GLDC: variants seen among roughly 807,000 people sequenced by gnomAD.
GLDC encodes the protein glycine dehydrogenase (decarboxylating), mitochondrial.
GLDC carries 104 observed loss-of-function variants against 121.3 expected under a neutral mutation model. The ratio of observed to expected loss-of-function variants is 0.86; its 90% confidence interval spans 0.73 to 1.01. The LOEUF (loss-of-function observed/expected upper bound fraction) is 1.01, where lower values mean the gene tolerates loss of function less well. GLDC is among the 50% of genes least tolerant of loss of function. The pLI is 0.00. For synonymous variants in GLDC, 546 were observed against 480.6 expected (o/e 1.14, Z -1.78); for missense variants, 1,429 against 1,306.6 (o/e 1.09, Z -1.44).
chr9:6,645,506 G>C lies in GLDC; in HGVS notation c.-7C>G. 1 of 1,320,176 alleles carries C rather than the reference G, an allele frequency of 7.6e-7. No individual in the cohort carries two copies. The allele number at this position is 1,320,176 out of a possible 1,614,324, so 81.8% of individuals were successfully genotyped here. A position where few individuals can be genotyped will look rare whatever the true frequency, so the allele number is the denominator to read the frequency against. The stretch of plus-strand genomic sequence containing the variant: ...CCCTGGCACAGGACTGCATGGCCGC[G>C]GCCACCGTCCCCTGCCCCGGCCCGC... On this transcript the variant is annotated 5_prime_UTR_variant, in exon 1 of 25. Transcript: ENST00000321612.
At chr9:6,602,399 C>G (rs931886103) in intron 7 of GLDC, among the ~76,000 whole-genome samples, 194 bp from the exon 8 acceptor site, 3 of 145,484 alleles carry the variant, frequency 2.1e-5, no homozygotes, top group African/African-American at 5.1e-5. Context: ...TTTTTTGAGA[C>G]GGAGTTTCGC....
chr9:6,539,445 C>T (rs530140375), intron 22 of GLDC, among the ~76,000 whole-genome samples: 3 of 152,294 alleles, frequency 2.0e-5, no homozygotes, highest in African/African-American at 7.2e-5. Context: ...CATCACTGCA[C>T]TCCAGCCTGG....
intron 16 of GLDC, among the ~76,000 whole-genome samples, chr9:6,561,682 G>A (rs1358968568): frequency 1.3e-5 from 2 of 152,040 alleles, no homozygotes; most frequent in Non-Finnish European, 2.9e-5. Flanking sequence ...TGAGGGATAT[G>A]GAAGTAACAC....
intron 2 of GLDC, among the ~76,000 whole-genome samples, chr9:6,644,227 C>T (rs906372953): frequency 6.6e-6 from 1 of 151,796 alleles, no homozygotes; most frequent in African/African-American, 2.4e-5. Context: ...GTTGCACGAC[C>T]TTAGGCAATT....
chr9:6,602,227 C>CA (rs1352518536), intron 7 of GLDC, 22 bp from the exon 8 acceptor site: 1 of 1,345,808 alleles, frequency 7.4e-7, no homozygotes, highest in Non-Finnish European at 1.1e-6. Flanking sequence ...ATAAGGCATC[C>CA]AGTTAGCACA....
intron 9 of GLDC, among the ~76,000 whole-genome samples, chr9:6,593,732 GC>G (rs1818430373): frequency 7.3e-6 from 1 of 137,846 alleles, no homozygotes; most frequent in East Asian, 2.1e-4. Flanking sequence ...TCACTCTGTT[GC>G]CCAGGATGGA....
At chr9:6,574,042 A>G (rs970561495) in intron 15 of GLDC, among the ~76,000 whole-genome samples, 4 of 152,208 alleles carry the variant, frequency 2.6e-5, no homozygotes, top group Non-Finnish European at 5.9e-5. Flanking sequence ...GTTCTTACCA[A>G]TCTGTATCAA....
chr9:6,611,719 A>T (rs1818861372), intron 3 of GLDC, among the ~76,000 whole-genome samples: 1 of 152,148 alleles, frequency 6.6e-6, no homozygotes, highest in Non-Finnish European at 1.5e-5. Flanking sequence ...CTGTGCTGTG[A>T]TGAATTCTTT....
intron 15 of GLDC, among the ~76,000 whole-genome samples, chr9:6,567,976 A>G (rs1371318244): frequency 3.9e-5 from 6 of 152,256 alleles, no homozygotes; most frequent in African/African-American, 1.2e-4. Context: ...CAGGCAATCA[A>G]TATGAATGTC....
rs990907475 is a variant in GLDC, at chr9:6,600,763, G to T, written c.1155+1346C>A. 3.3e-5 allele frequency among the ~76,000 whole-genome samples: 5 copies of T among 152,244 alleles called. No homozygotes were observed. In the South Asian group the frequency reaches 6.2e-4, roughly 19 times the overall value. ...GAGTGGGCCTCCAACTGATCCTAGG[G>T]TTTGGCTGGGTTTCACAAACACTTC... On this transcript the variant is annotated intron_variant, in intron 8 of 24. Transcript: ENST00000321612.
chr9:6,599,559 A>G (rs1321387557), intron 8 of GLDC, among the ~76,000 whole-genome samples: 7 of 151,898 alleles, frequency 4.6e-5, no homozygotes. Context: ...TGTCTCTACT[A>G]AAAATAGAAA....
chr9:6,570,818 C>T (rs143620205), intron 15 of GLDC, among the ~76,000 whole-genome samples: 1,896 of 139,850 alleles, frequency 0.014, 27 homozygotes, highest in African/African-American at 0.049. Flanking sequence ...CGCACCACTG[C>T]ACTCCAGCCT....
chr9:6,605,034 G>C (rs1464213456), intron 6 of GLDC, 97 bp downstream of exon 6: 4 of 1,221,168 alleles, frequency 3.3e-6, no homozygotes, highest in Non-Finnish European at 4.8e-6. Context: ...TAATGGTAAA[G>C]AAATTAAGGC....
In GLDC at chr9:6,554,963, C is replaced by A. The variant is rs564642740; in HGVS notation, c.2203-182G>T. 1.1e-5 allele frequency: 7 copies of A among 664,264 alleles called. No individual in the cohort carries two copies. The Admixed American group carries it at 1.5e-4, about 15-fold the overall frequency. 41.1% of individuals were successfully genotyped at this position (664,264 alleles called of 1,614,324 possible). On this transcript the variant is annotated intron_variant, in intron 18 of 24. Coordinates refer to ENST00000321612, the MANE Select transcript of GLDC (RefSeq NM_000170.3). ...AGTTCCGTAGTCACAAACTGGCATC[C>A]GATAGGCAGAGTGCTTGTGGTTGCT...
At chr9:6,610,500 GC>G (rs770759124) in intron 3 of GLDC, 144 bp from the exon 4 acceptor site, 4 of 763,702 alleles carry the variant, frequency 5.2e-6, no homozygotes, top group Non-Finnish European at 9.1e-6. Flanking sequence ...CTTCTTTTTG[GC>G]CTTTGTAAAG....
intron 16 of GLDC, among the ~76,000 whole-genome samples, chr9:6,560,472 C>A (rs907474893): frequency 1.3e-5 from 2 of 152,206 alleles, no homozygotes; most frequent in Non-Finnish European, 2.9e-5. Context: ...AATCCGTTTT[C>A]TTGTTTGAAT....
intron 7 of GLDC, among the ~76,000 whole-genome samples, chr9:6,603,402 A>G (rs1260434534): frequency 6.6e-6 from 1 of 151,842 alleles, no homozygotes; most frequent in Non-Finnish European, 1.5e-5. Context: ...AGATCACTTG[A>G]GCCCTAAGAC....
intron 2 of GLDC, among the ~76,000 whole-genome samples, chr9:6,640,211 T>C (rs554101374): frequency 1.3e-5 from 2 of 152,380 alleles, no homozygotes; most frequent in South Asian, 4.1e-4. Context: ...AGCTAATCTT[T>C]ACTGTTACAG....
chr9:6,644,417 C>T (rs1296499962), intron 2 of GLDC, 197 bp downstream of exon 2: 1 of 633,320 alleles, frequency 1.6e-6, no homozygotes, highest in East Asian at 2.7e-5. Flanking sequence ...CGACTCTCTC[C>T]TAACACAAAA....
Sources: allele counts gnomAD v4.1 joint callset (sites outside exome capture counted in the v4.1 genomes callset), GRCh38; gene constraint gnomAD v4.1.1; transcripts MANE v1.5; gene names NCBI Gene and HGNC (gene_info 2026-07-23, HGNC 2026-07-21).